Variants in PCDHA10 observed in about 807,000 individuals in gnomAD.
PCDHA10 encodes protocadherin alpha 10, also known as protocadherin alpha-10.
PCDHA10 carries 45 observed loss-of-function variants against 61.2 expected under a neutral mutation model. The ratio of observed to expected loss-of-function variants is 0.74; its 90% confidence interval spans 0.58 to 0.94. PCDHA10 has a LOEUF of 0.94. Ranked by LOEUF, PCDHA10 falls within the 40% of genes least tolerant of loss-of-function variation. The pLI is 0.00. For missense variants in PCDHA10, 1,278 were observed against 1,236.2 expected, an observed-to-expected ratio of 1.03 and a Z score of -0.51; for synonymous variants, 602 against 548.8, an observed-to-expected ratio of 1.10 and a Z score of -1.35.
At chr5:140,967,282 GC>G in intron 1 of PCDHA10, 1 of 1,613,078 alleles carries the variant, frequency 6.2e-7, no homozygotes, top group Non-Finnish European at 8.5e-7. Flanking sequence ...TAGAGAGTGC[GC>G]AGGACCCCGA....
chr5:140,910,142 A>T (rs535162246), intron 1 of PCDHA10, among the ~76,000 whole-genome samples: 1 of 152,326 alleles, frequency 6.6e-6, no homozygotes, highest in South Asian at 2.1e-4. Context: ...TTAAGTCTGG[A>T]AATTGATTGA....
chr5:140,861,341 A>C (rs1554154533), intron 1 of PCDHA10: 1 of 280,406 alleles, frequency 3.6e-6, no homozygotes, highest in African/African-American at 2.2e-5. Context: ...GGAAGAGGCC[A>C]AGGACGGCAC....
At chr5:140,885,985 G>A (rs879977606) in intron 1 of PCDHA10, among the ~76,000 whole-genome samples, 3 of 152,110 alleles carry the variant, frequency 2.0e-5, no homozygotes, top group Admixed American at 2.0e-4. Context: ...AGATTCGCAT[G>A]TGGTTGAAAG....
Position 140,858,392 on chromosome 5 carries a change from G to T in PCDHA10, c.2344G>T (p.Val782Leu). 6.3e-7 allele frequency: 1 copy of T among 1,579,080 alleles called. No homozygotes were observed. Among genetic ancestry groups the T allele is most frequent in the Non-Finnish European group, 8.7e-7 (1 of 1,155,734 alleles). The change falls in exon 1 of 4, where the codon GTG becomes TTG. Residue 782 changes from valine (V) to leucine (L), a missense_variant. Physicochemically the swap from Val to Leu is conservative, Grantham distance 32 (BLOSUM62 1). Transcript: ENST00000307360. The stretch of plus-strand genomic sequence containing the variant: ...CCTTCCACCATGCCCAATGGTAGAT[G>T]TGGACGGGGAAGATCAGTCTATTGG... ...PSLPPCPMVD[V>L]DGEDQSIGGD...
chr5:140,946,997 C>A (rs2094069050), intron 1 of PCDHA10, among the ~76,000 whole-genome samples: 1 of 151,382 alleles, frequency 6.6e-6, no homozygotes. Context: ...GTTCTAACTT[C>A]AAAGAAATGA....
chr5:140,870,521 T>A (rs782364094), intron 1 of PCDHA10: 2 of 1,614,078 alleles, frequency 1.2e-6, no homozygotes, highest in Non-Finnish European at 8.5e-7. Flanking sequence ...GGCTGCCACA[T>A]CTTCACAGTG....
chr5:141,002,673 C>T (rs2098090242), intron 3 of PCDHA10, among the ~76,000 whole-genome samples: 3 of 152,180 alleles, frequency 2.0e-5, no homozygotes, highest in Admixed American at 2.0e-4. Context: ...GGACCAAAAC[C>T]TATACGACGT....
intron 3 of PCDHA10, among the ~76,000 whole-genome samples, chr5:140,989,918 G>A (rs1554251173): frequency 6.6e-6 from 1 of 151,960 alleles, no homozygotes; most frequent in East Asian, 1.9e-4. Flanking sequence ...AAGAGGGAGA[G>A]CAGAGATAGA....
intron 3 of PCDHA10, among the ~76,000 whole-genome samples, chr5:140,998,396 T>A (rs2097810780): frequency 6.6e-6 from 1 of 152,212 alleles, no homozygotes. Flanking sequence ...ATGCCATCTT[T>A]ATGCCAAAGT....
chr5:140,883,639 G>A (rs2059720248), intron 1 of PCDHA10: 1 of 1,614,016 alleles, frequency 6.2e-7, no homozygotes, highest in Non-Finnish European at 8.5e-7. Context: ...CGTTCGCGCA[G>A]CCCGAGTACA....
intron 1 of PCDHA10, chr5:140,969,388 A>G: frequency 6.3e-7 from 1 of 1,595,066 alleles, no homozygotes; most frequent in Non-Finnish European, 8.5e-7. Flanking sequence ...CACATCCCCC[A>G]ATATCCTGTG....
At chr5:141,001,216 G>A (rs938133871) in intron 3 of PCDHA10, among the ~76,000 whole-genome samples, 3 of 152,082 alleles carry the variant, frequency 2.0e-5, no homozygotes, top group African/African-American at 7.2e-5. Context: ...GCTGTATAAG[G>A]ATAGTTACAT....
chr5:141,004,045 G>T (rs1588047334), intron 3 of PCDHA10, among the ~76,000 whole-genome samples: 1 of 152,222 alleles, frequency 6.6e-6, no homozygotes, highest in East Asian at 1.9e-4. Flanking sequence ...TTGATCATTT[G>T]CTGATACTGG....
At chr5:140,907,913 C>T (rs2073688326) in intron 1 of PCDHA10, among the ~76,000 whole-genome samples, 1 of 152,234 alleles carries the variant, frequency 6.6e-6, no homozygotes, top group Non-Finnish European at 1.5e-5. Context: ...TTTTTGACCA[C>T]TCAGAGAGGT....
intron 1 of PCDHA10, 167 bp from the exon 2 acceptor site, chr5:140,978,782 A>T (rs782295456): frequency 3.1e-5 from 30 of 971,664 alleles, no homozygotes; most frequent in Non-Finnish European, 3.7e-5. Context: ...TTTTCTTCTA[A>T]AGTGCTATAT....
chr5:140,903,180 T>C (rs149488870), intron 1 of PCDHA10, among the ~76,000 whole-genome samples: 1,613 of 152,324 alleles, frequency 0.011, 17 homozygotes, highest in African/African-American at 0.028. Context: ...TTCCCACCAA[T>C]AGTATAAAAG....
intron 1 of PCDHA10, chr5:140,882,150 C>T: frequency 1.3e-6 from 2 of 1,501,768 alleles, no homozygotes; most frequent in Non-Finnish European, 1.8e-6. Context: ...TAGCAGAAAG[C>T]GGAATACCTC....
At chr5:140,902,905 G>A (rs933013740) in intron 1 of PCDHA10, among the ~76,000 whole-genome samples, 3 of 152,174 alleles carry the variant, frequency 2.0e-5, no homozygotes, top group Admixed American at 6.5e-5. Flanking sequence ...TTTAGTTTAT[G>A]GCTGAGTAGT....
At position 140,967,080 on chromosome 5, in the gene PCDHA10, T is replaced by C. The variant is rs781942171; in HGVS notation, c.2389-11869T>C. On this transcript the variant is annotated intron_variant, in intron 1 of 3. Transcript: ENST00000307360. The stretch of plus-strand genomic sequence containing the variant: ...GGAGCGCTCTTCGTCAACGAGCGCA[T>C]TGATCGGGAGGCGCTGTGTGAGCAG... 168 of 1,613,222 alleles carry C rather than the reference T, an allele frequency of 1.0e-4. No homozygotes were observed. The highest frequency in any genetic ancestry group is 3.7e-4 in the Admixed American group (22 of 60,010).
Sources: gnomAD v4.1 joint callset for allele counts (sites outside exome capture counted in the v4.1 genomes callset) on GRCh38, gnomAD v4.1.1 for gene constraint, MANE v1.5 for transcripts, NCBI Gene and HGNC (gene_info 2026-07-23, HGNC 2026-07-21) for gene names.